Variants in SLC35F2 observed in about 807,000 individuals in gnomAD.
The protein encoded by SLC35F2 is queuine/queuosine transporter SLC35F2.
SLC35F2 carries 25 observed loss-of-function variants against 38.1 expected under a neutral mutation model. The ratio of observed to expected loss-of-function variants is 0.66; its 90% CI spans 0.48 to 0.92. SLC35F2 has a LOEUF of 0.92. Ranked by LOEUF, SLC35F2 falls within the 40% of genes least tolerant of loss-of-function variation. The pLI, the probability that SLC35F2 is intolerant of heterozygous loss-of-function variation, is 0.00. For missense variants in SLC35F2, 409 were observed against 452.9 expected (o/e 0.90, Z 0.88); for synonymous variants, 173 against 181.7 (o/e 0.95, Z 0.38).
intron 7 of SLC35F2, among the ~76,000 whole-genome samples, chr11:107,802,356 C>T (rs1262334142): frequency 6.6e-6 from 1 of 152,188 alleles, no homozygotes; most frequent in Non-Finnish European, 1.5e-5. Context: ...TATTTGCTCT[C>T]TTGCTTCCCC....
Position 107,804,708 on chromosome 11 carries a change from C to A in SLC35F2, c.784+10G>T, listed in dbSNP as rs753537860. Reference sequence around the variant, plus strand: ...GAATGCTGACTAAAAGGAATTATTTCTTTACATACCAATTTTCCAGTCCCA... The same window carrying A: ...GAATGCTGACTAAAAGGAATTATTTATTTACATACCAATTTTCCAGTCCCA... On this transcript the variant is annotated intron_variant, in intron 6 of 7. Transcript: ENST00000525815. The A allele has an allele frequency of 6.3e-7, 1 of 1,585,048 alleles. No individual in the cohort carries two copies. Among genetic ancestry groups the A allele is most frequent in the Non-Finnish European group, 8.6e-7 (1 of 1,158,794 alleles).
chr11:107,821,443 AGAGT>A (rs1435364396), intron 1 of SLC35F2: 31 of 985,416 alleles, frequency 3.1e-5, no homozygotes, highest in South Asian at 4.7e-5. Flanking sequence ...TAGGAGAGCA[AGAGT>A]GAGAGAGAAA....
chr11:107,820,736 A>C (rs12292254), intron 1 of SLC35F2, among the ~76,000 whole-genome samples: 8,386 of 152,206 alleles, frequency 0.055, 465 homozygotes, highest in African/African-American at 0.14. Context: ...CGGGCGGATC[A>C]CTTGAGGTCA....
At chr11:107,840,102 T>C (rs1859991935) in intron 1 of SLC35F2, among the ~76,000 whole-genome samples, 1 of 152,044 alleles carries the variant, frequency 6.6e-6, no homozygotes, top group South Asian at 2.1e-4. Context: ...GCCTCCAGGA[T>C]CCTCCCTCCC....
intron 7 of SLC35F2, among the ~76,000 whole-genome samples, chr11:107,798,426 A>G (rs1859253725): frequency 6.6e-6 from 1 of 152,212 alleles, no homozygotes; most frequent in South Asian, 2.1e-4. Context: ...TTAAATGTTC[A>G]GAAGAAAAAC....
intron 1 of SLC35F2, among the ~76,000 whole-genome samples, chr11:107,837,660 C>A (rs1316526641): frequency 6.6e-6 from 1 of 152,116 alleles, no homozygotes; most frequent in East Asian, 1.9e-4. Flanking sequence ...CACCACTGCA[C>A]TCCAGCCTGG....
chr11:107,824,565 G>A (rs1055069544), intron 1 of SLC35F2, among the ~76,000 whole-genome samples: 1 of 152,186 alleles, frequency 6.6e-6, no homozygotes, highest in Admixed American at 6.5e-5. Context: ...TTCAAGAAAA[G>A]ATTATTCCTT....
chr11:107,814,397 G>C (rs1859530176), intron 2 of SLC35F2, among the ~76,000 whole-genome samples: 1 of 151,548 alleles, frequency 6.6e-6, no homozygotes, highest in Non-Finnish European at 1.5e-5. Flanking sequence ...AGAGATTGCA[G>C]TGAGCCAAGA....
chr11:107,802,242 A>AAAAAAAAAAAAAATAAAT (rs559048077), intron 7 of SLC35F2, among the ~76,000 whole-genome samples: 4 of 147,982 alleles, frequency 2.7e-5, no homozygotes, highest in South Asian at 2.1e-4. Flanking sequence ...CATCTCAAAA[A>AAAAAAAAAAAAAATAAAT]AAATAAATAA....
At chr11:107,854,516 A>G (rs903019082) in intron 1 of SLC35F2, among the ~76,000 whole-genome samples, 12 of 152,150 alleles carry the variant, frequency 7.9e-5, no homozygotes, top group South Asian at 6.2e-4. Context: ...TTCTATCACA[A>G]TATTTTTCAC....
In SLC35F2 at chr11:107,843,860, AAAAAAAAAATATATATATATATATAT is replaced by A. The variant is rs1249597170; in HGVS notation, c.110+14772_110+14797del. 4.5e-4 allele frequency among the ~76,000 whole-genome samples: 18 copies of A among 39,680 alleles called. 2 individuals are homozygous for A. The highest frequency in any genetic ancestry group is 1.0e-3 in the African/African-American group (12 of 11,554). 26.0% of individuals were successfully genotyped at this position (39,680 alleles called of 152,430 possible). On this transcript the variant is annotated intron_variant, in intron 1 of 7. Coordinates refer to ENST00000525815, the MANE Select transcript of SLC35F2 (RefSeq NM_017515.5). ...ACTCTGTATCTTAAAAAAAAAAAAAAAAAAAAAAATATATATATATATATATATATATATATATATATATATATGTA... is the reference window on the plus strand; with the variant it reads ...ACTCTGTATCTTAAAAAAAAAAAAAAATATATATATATATATATATATGTA...
chr11:107,845,595 CTG>C (rs1565441312), intron 1 of SLC35F2, among the ~76,000 whole-genome samples: 2 of 152,108 alleles, frequency 1.3e-5, no homozygotes, highest in Non-Finnish European at 2.9e-5. Context: ...TGGAATCTCT[CTG>C]TGTATCATTA....
chr11:107,843,019 GAATT>G (rs1860036220), intron 1 of SLC35F2, among the ~76,000 whole-genome samples: 1 of 152,134 alleles, frequency 6.6e-6, no homozygotes, highest in Non-Finnish European at 1.5e-5. Flanking sequence ...GCAACAATAT[GAATT>G]AATTTTATCA....
At chr11:107,810,796 T>C (rs976402874) in intron 3 of SLC35F2, 4 of 981,304 alleles carry the variant, frequency 4.1e-6, no homozygotes, top group African/African-American at 1.8e-5. Flanking sequence ...TTCTCATCAA[T>C]CCTTATATTT....
intron 2 of SLC35F2, among the ~76,000 whole-genome samples, chr11:107,814,022 A>C (rs1213230123): frequency 6.6e-6 from 1 of 152,032 alleles, no homozygotes; most frequent in Non-Finnish European, 1.5e-5. Context: ...AAATTACTCT[A>C]ATTTCCTAAG....
intron 1 of SLC35F2, among the ~76,000 whole-genome samples, chr11:107,835,644 G>C (rs1018971760): frequency 6.6e-6 from 1 of 152,010 alleles, no homozygotes; most frequent in East Asian, 1.9e-4. Flanking sequence ...TCCCCACACT[G>C]GTCTGGAACT....
chr11:107,797,824 T>C (rs1028744475), intron 7 of SLC35F2, among the ~76,000 whole-genome samples: 2 of 152,134 alleles, frequency 1.3e-5, no homozygotes, highest in Non-Finnish European at 2.9e-5. Flanking sequence ...CAGACAACTA[T>C]AATTTCCTAC....
chr11:107,815,585 C>CA (rs1859558327), intron 2 of SLC35F2, among the ~76,000 whole-genome samples: 1 of 150,964 alleles, frequency 6.6e-6, no homozygotes, highest in Non-Finnish European at 1.5e-5. Context: ...ACAACAACAA[C>CA]ACACACACAA....
intron 1 of SLC35F2, among the ~76,000 whole-genome samples, chr11:107,819,151 T>C (rs1341993287): frequency 1.3e-5 from 2 of 152,176 alleles, no homozygotes; most frequent in Non-Finnish European, 2.9e-5. Flanking sequence ...ATTTCTATAG[T>C]AAAGTTTAAA....
Sources: gnomAD v4.1 joint callset for allele counts (sites outside exome capture counted in the v4.1 genomes callset) on GRCh38, gnomAD v4.1.1 for gene constraint, MANE v1.5 for transcripts, NCBI Gene and HGNC (gene_info 2026-07-23, HGNC 2026-07-21) for gene names.